The following SLC14A2 variants were observed in gnomAD, a reference collection of about 807,000 sequenced individuals.
SLC14A2 encodes solute carrier family 14 member 2.
A neutral mutation model predicts 104.6 loss-of-function variants in SLC14A2; 91 were observed. The ratio of observed to expected loss-of-function variants is 0.87; its 90% confidence interval spans 0.73 to 1.04. The LOEUF is 1.04. Among genes scored for constraint, SLC14A2 ranks in the 50% least tolerant of loss-of-function variants. SLC14A2 has a pLI of 0.00. For missense variants in SLC14A2, 1,189 were observed against 1,156.0 expected, an observed-to-expected ratio of 1.03 and a Z score of -0.41; for synonymous variants, 476 against 466.4, an observed-to-expected ratio of 1.02 and a Z score of -0.27.
chr18:45,532,522 G>T (rs1429689989), intron 2 of SLC14A2, among the ~76,000 whole-genome samples: 13 of 144,326 alleles, frequency 9.0e-5, no homozygotes, highest in Non-Finnish European at 1.5e-4. Flanking sequence ...GTATAAGAAT[G>T]CTTGTGATTT....
intron 1 of SLC14A2, among the ~76,000 whole-genome samples, chr18:45,380,428 A>G (rs1449413696): frequency 6.6e-6 from 1 of 152,164 alleles, no homozygotes; most frequent in African/African-American, 2.4e-5. Flanking sequence ...TGGGCCCTGG[A>G]TGGGTGATAT....
At chr18:45,456,814 G>A (rs2086952376) in intron 1 of SLC14A2, among the ~76,000 whole-genome samples, 1 of 149,040 alleles carries the variant, frequency 6.7e-6, no homozygotes, top group Non-Finnish European at 1.5e-5. Context: ...AAAGCCAAAT[G>A]ATATACTCTC....
At chr18:45,242,324 G>A (rs958250069) in intron 1 of SLC14A2, among the ~76,000 whole-genome samples, 3 of 152,064 alleles carry the variant, frequency 2.0e-5, no homozygotes, top group Non-Finnish European at 2.9e-5. Flanking sequence ...CTCAAATGTT[G>A]TAAAAACTGC....
At chr18:45,200,169 A>G in the SLC14A2 span, among the ~76,000 whole-genome samples, 1 of 152,156 alleles carries the variant, frequency 6.6e-6, no homozygotes, top group Non-Finnish European at 1.5e-5. Flanking sequence ...GTTGGGGGAA[A>G]GATTATACAT....
chr18:45,259,192 T>C (rs2084510408), intron 1 of SLC14A2, among the ~76,000 whole-genome samples: 1 of 152,050 alleles, frequency 6.6e-6, no homozygotes, highest in Non-Finnish European at 1.5e-5. Flanking sequence ...GCTCAGAGGG[T>C]GGAGAAAGAT....
At position 45,663,874 on chromosome 18, in the gene SLC14A2, A is replaced by T; in HGVS notation, c.1441A>T (p.Ile481Phe). The change falls in exon 11 of 20, where the codon ATC (isoleucine) becomes TTC (phenylalanine). Residue 481 changes from isoleucine (I) to phenylalanine (F), a missense_variant. Ile to Phe is a conservative substitution (Grantham distance 21). Transcript: ENST00000255226. Reference protein sequence around the residue: ...VLSKHRSVFHIEWSSIRRRSK... With the variant: ...VLSKHRSVFHFEWSSIRRRSK... ...CTCCAAGCACAGGAGTGTATTTCAC[A>T]TCGAGTGGTCATCCATTCGGAGGAG... 6.2e-7 allele frequency: 1 copy of T among 1,613,458 alleles called. No individual in the cohort carries two copies. The highest frequency in any genetic ancestry group is 1.1e-5 in the South Asian group (1 of 91,022).
At chr18:45,190,022 T>C in the SLC14A2 span, among the ~76,000 whole-genome samples, 2 of 152,148 alleles carry the variant, frequency 1.3e-5, no homozygotes, top group Non-Finnish European at 2.9e-5. Context: ...ATACAGCTGA[T>C]ACCTGGGTCC....
intron 1 of SLC14A2, among the ~76,000 whole-genome samples, chr18:45,351,498 G>C (rs963980080): frequency 6.6e-6 from 1 of 152,054 alleles, no homozygotes; most frequent in African/African-American, 2.4e-5. Context: ...GGGACTACAG[G>C]CATGTACCAC....
intron 2 of SLC14A2, among the ~76,000 whole-genome samples, chr18:45,548,380 G>A (rs2044005594): frequency 6.6e-6 from 1 of 152,196 alleles, no homozygotes; most frequent in East Asian, 1.9e-4. Flanking sequence ...TTGATTCGGG[G>A]AAAAGAGTAG....
intron 2 of SLC14A2, among the ~76,000 whole-genome samples, chr18:45,492,503 TC>T (rs1034849029): frequency 1.5e-4 from 23 of 152,150 alleles, no homozygotes; most frequent in African/African-American, 5.3e-4. Context: ...TCATGAGAAT[TC>T]ACTATCACGA....
chr18:45,238,905 C>G (rs1417135748), intron 1 of SLC14A2, among the ~76,000 whole-genome samples: 1 of 151,998 alleles, frequency 6.6e-6, no homozygotes, highest in African/African-American at 2.4e-5. Flanking sequence ...TCCCCAACCT[C>G]AAGGACCTTA....
intron 1 of SLC14A2, among the ~76,000 whole-genome samples, chr18:45,213,403 G>A (rs538349545): frequency 3.4e-4 from 51 of 152,204 alleles, no homozygotes; most frequent in African/African-American, 1.2e-3. Flanking sequence ...AGATGGTACT[G>A]GTCATCCTTT....
chr18:45,192,252 G>C, the SLC14A2 span, among the ~76,000 whole-genome samples: 1 of 152,044 alleles, frequency 6.6e-6, no homozygotes, highest in East Asian at 1.9e-4. Flanking sequence ...TTATTTTTCA[G>C]TTTTATGGAA....
intron 2 of SLC14A2, among the ~76,000 whole-genome samples, chr18:45,598,414 A>C (rs978492486): frequency 6.6e-6 from 1 of 152,136 alleles, no homozygotes; most frequent in Non-Finnish European, 1.5e-5. Flanking sequence ...TTCTCCTACA[A>C]ATTTCTTAGG....
At chr18:45,206,871 C>G in the SLC14A2 span, among the ~76,000 whole-genome samples, 4 of 152,112 alleles carry the variant, frequency 2.6e-5, no homozygotes, top group Non-Finnish European at 5.9e-5. Flanking sequence ...AACCTGTTGT[C>G]TTTCAATCCA....
chr18:45,243,948 G>A (rs907251279), intron 1 of SLC14A2, among the ~76,000 whole-genome samples: 1 of 152,108 alleles, frequency 6.6e-6, no homozygotes, highest in African/African-American at 2.4e-5. Flanking sequence ...CAAGAGTTAT[G>A]GTATTCGGGG....
Position 45,672,909 on chromosome 18 carries a change from G to T in SLC14A2, c.2239G>T (p.Ala747Ser). The change falls in exon 17 of 20, where the codon GCC becomes TCC. Residue 747 changes from alanine to serine, a missense_variant. Coordinates refer to ENST00000255226, the MANE Select transcript of SLC14A2 (RefSeq NM_007163.4). ...SEVQVPLLLR[A>S]IPVGIGQVYG... ...CCTGTTATGCCTACAGCTTTTGAGA[G>T]CCATCCCCGTTGGAATTGGCCAAGT... 1.1e-5 allele frequency: 18 copies of T among 1,613,448 alleles called. No homozygotes were observed. Among genetic ancestry groups the T allele is most frequent in the Non-Finnish European group, 1.5e-5 (18 of 1,179,694 alleles).
At chr18:45,677,381 C>A (rs1038574950) in intron 18 of SLC14A2, among the ~76,000 whole-genome samples, 1 of 152,128 alleles carries the variant, frequency 6.6e-6, no homozygotes, top group South Asian at 2.1e-4. Context: ...TATTCGGGGG[C>A]CTTGGTAGTG....
intron 1 of SLC14A2, among the ~76,000 whole-genome samples, chr18:45,227,801 C>T (rs559507864): frequency 6.6e-6 from 1 of 152,326 alleles, no homozygotes; most frequent in Non-Finnish European, 1.5e-5. Flanking sequence ...CAAGCTTCAT[C>T]TTTACAGGCA....
Sources: gnomAD v4.1 joint callset for allele counts (sites outside exome capture counted in the v4.1 genomes callset) on GRCh38, gnomAD v4.1.1 for gene constraint, MANE v1.5 for transcripts, NCBI Gene and HGNC (gene_info 2026-07-23, HGNC 2026-07-21) for gene names.